PTN: variants seen among roughly 807,000 people sequenced by gnomAD.
PTN encodes pleiotrophin, also known as heparin affin regulatory protein.
A neutral mutation model predicts 24.1 loss-of-function variants in PTN; 18 were observed. The observed-to-expected ratio is 0.75, with a 90% CI of 0.52 to 1.11. The LOEUF (loss-of-function observed/expected upper bound fraction) is 1.11, where lower values mean the gene tolerates loss of function less well. Ranked by LOEUF, PTN falls within the 50% of genes least tolerant of loss-of-function variation. The pLI is 0.00. For synonymous variants in PTN, 78 were observed against 68.6 expected (o/e 1.14, Z -0.67); for missense variants, 163 against 198.8 (o/e 0.82, Z 1.08).
chr7:137,324,403 C>A (rs1412177139), intron 1 of PTN, among the ~76,000 whole-genome samples: 2 of 105,030 alleles, frequency 1.9e-5, no homozygotes, highest in Non-Finnish European at 3.2e-5. Flanking sequence ...GGCAGCACAG[C>A]GAGACCCTGT....
At chr7:137,253,380 G>A in intron 3 of PTN, 84 bp downstream of exon 3, 5 of 1,369,706 alleles carry the variant, frequency 3.7e-6, no homozygotes, top group Non-Finnish European at 4.0e-6. Flanking sequence ...AAAATAAAAA[G>A]TACTTATCCT....
At chr7:137,313,949 T>C (rs1810026892) in intron 1 of PTN, among the ~76,000 whole-genome samples, 1 of 152,192 alleles carries the variant, frequency 6.6e-6, no homozygotes, top group Non-Finnish European at 1.5e-5. Flanking sequence ...TCAACCTTTT[T>C]CATCAGGTGC....
chr7:137,337,832 T>C (rs987947360), intron 1 of PTN, among the ~76,000 whole-genome samples: 3 of 152,146 alleles, frequency 2.0e-5, no homozygotes, highest in African/African-American at 2.4e-5. Flanking sequence ...GCAAGGGGAT[T>C]AGGCATAGAA....
intron 1 of PTN, among the ~76,000 whole-genome samples, chr7:137,317,358 T>A (rs2128880661): frequency 6.6e-6 from 1 of 152,304 alleles, no homozygotes; most frequent in East Asian, 1.9e-4. Context: ...TATCAAGAAT[T>A]TTATAAATGC....
Position 137,239,316 on chromosome 7 carries a change from G to A in PTN, c.452-11241C>T, listed in dbSNP as rs139773200. ...TTGGATACATCATTCATTCATTCAA[G>A]TCAGTATTCTTCCTTGAGTTTTCTC... is the stretch of plus-strand genomic sequence containing the variant. On this transcript the variant is annotated intron_variant, in intron 4 of 4. Coordinates refer to ENST00000348225, the MANE Select transcript of PTN (RefSeq NM_002825.7). Among the ~76,000 whole-genome samples, 89 of 152,262 alleles carry A rather than the reference G, an allele frequency of 5.8e-4. 1 individual carries two copies. The East Asian group carries it at 0.016, about 28-fold the overall frequency.
At chr7:137,254,788 G>A (rs1046458558) in intron 2 of PTN, 71 bp downstream of exon 2, 7 of 1,032,812 alleles carry the variant, frequency 6.8e-6, no homozygotes, top group Non-Finnish European at 9.4e-6. Context: ...AGAGAGGAAG[G>A]AAAAGCAGGT....
intron 4 of PTN, among the ~76,000 whole-genome samples, chr7:137,244,591 T>C (rs1260898704): frequency 2.0e-5 from 3 of 151,610 alleles, no homozygotes; most frequent in African/African-American, 4.9e-5. Flanking sequence ...CCAAGTGTTC[T>C]CATTGTTCAA....
intron 1 of PTN, among the ~76,000 whole-genome samples, chr7:137,337,057 C>T (rs866925045): frequency 1.3e-4 from 20 of 152,134 alleles, no homozygotes; most frequent in African/African-American, 3.9e-4. Flanking sequence ...ATGTTTCATC[C>T]GTATCCACAT....
intron 4 of PTN, chr7:137,236,030 T>C (rs1808514494): frequency 1.7e-6 from 1 of 603,920 alleles, no homozygotes. Flanking sequence ...AAAGCACTAG[T>C]GAATAAAGTA....
intron 1 of PTN, among the ~76,000 whole-genome samples, chr7:137,284,572 T>C (rs1809525058): frequency 1.3e-5 from 2 of 152,170 alleles, no homozygotes; most frequent in African/African-American, 2.4e-5. Flanking sequence ...TGGTTAATAA[T>C]AGTGATTTTA....
intron 1 of PTN, among the ~76,000 whole-genome samples, chr7:137,284,177 C>T (rs370739367): frequency 6.6e-6 from 1 of 151,370 alleles, no homozygotes. Flanking sequence ...ACCGTGGTCT[C>T]GATCTCCCGA....
intron 1 of PTN, among the ~76,000 whole-genome samples, chr7:137,298,345 GATTAAAT>G (rs989396162): frequency 7.9e-5 from 12 of 151,860 alleles, no homozygotes; most frequent in African/African-American, 2.9e-4. Flanking sequence ...CTGAGTTTCT[GATTAAAT>G]ATTAAACAGA....
chr7:137,301,677 GAC>G (rs1430758418), intron 1 of PTN, among the ~76,000 whole-genome samples: 1 of 151,832 alleles, frequency 6.6e-6, no homozygotes, highest in Non-Finnish European at 1.5e-5. Flanking sequence ...CTCCTTTATA[GAC>G]ACAGAATGAG....
chr7:137,278,945 C>CAATAATAATAATAATAAT (rs59932923), intron 1 of PTN, among the ~76,000 whole-genome samples: 115 of 134,282 alleles, frequency 8.6e-4, no homozygotes, highest in Non-Finnish European at 9.9e-4. Flanking sequence ...CATCTCAGAA[C>CAATAATAATAATAATAAT]AATAATAATA....
chr7:137,273,414 G>A (rs867767785), intron 1 of PTN, among the ~76,000 whole-genome samples: 29 of 152,284 alleles, frequency 1.9e-4, no homozygotes, highest in African/African-American at 5.8e-4. Context: ...AAGGAAAAAG[G>A]TTTAACTCAC....
At chr7:137,259,784 C>T (rs1050550329) in intron 1 of PTN, among the ~76,000 whole-genome samples, 8 of 151,856 alleles carry the variant, frequency 5.3e-5, no homozygotes, top group Non-Finnish European at 1.2e-4. Context: ...TTCTTCGAAG[C>T]TTAATAAGAA....
chr7:137,252,213 TA>T (rs1044141865), intron 3 of PTN, among the ~76,000 whole-genome samples: 4 of 152,048 alleles, frequency 2.6e-5, no homozygotes, highest in Middle Eastern at 3.4e-3. Flanking sequence ...CACTATTTTT[TA>T]TTCTAGCCAC....
At chr7:137,269,419 G>C (rs530301368) in intron 1 of PTN, among the ~76,000 whole-genome samples, 2 of 151,974 alleles carry the variant, frequency 1.3e-5, no homozygotes, top group South Asian at 4.2e-4. Flanking sequence ...GCTGTTTTGG[G>C]TTCTCCCCCT....
intron 1 of PTN, among the ~76,000 whole-genome samples, chr7:137,309,006 C>T (rs991143253): frequency 6.6e-6 from 1 of 152,184 alleles, no homozygotes; most frequent in Non-Finnish European, 1.5e-5. Flanking sequence ...AAAGTACATA[C>T]TGAAATAGAT....
Sources: allele counts gnomAD v4.1 joint callset (sites outside exome capture counted in the v4.1 genomes callset), GRCh38; gene constraint gnomAD v4.1.1; transcripts MANE v1.5; gene names NCBI Gene and HGNC (gene_info 2026-07-23, HGNC 2026-07-21).